The following PDCD2L variants were observed in gnomAD, a reference collection of about 807,000 sequenced individuals.
The protein encoded by PDCD2L is uS5 assembly chaperone PDCD2L.
PDCD2L carries 44 observed loss-of-function variants against 40.4 expected under a neutral mutation model. The observed-to-expected ratio is 1.09, with a 90% CI of 0.86 to 1.40. PDCD2L has a LOEUF of 1.40. Ranked by LOEUF, PDCD2L falls within the 40% of genes most tolerant of loss-of-function variation. The pLI is 0.00. For missense variants in PDCD2L, 470 were observed against 453.7 expected (o/e 1.04, Z -0.33); for synonymous variants, 194 against 174.6 (o/e 1.11, Z -0.88).
intron 4 of PDCD2L, among the ~76,000 whole-genome samples, chr19:34,410,157 T>A (rs1397478850): frequency 6.6e-6 from 1 of 152,170 alleles, no homozygotes; most frequent in Non-Finnish European, 1.5e-5. Flanking sequence ...CTGGAGTGAA[T>A]TGGTGTGATC....
intron 5 of PDCD2L, among the ~76,000 whole-genome samples, chr19:34,418,780 T>G (rs2075136438): frequency 6.6e-6 from 1 of 152,218 alleles, no homozygotes; most frequent in Admixed American, 6.5e-5. Context: ...TGCTAATGCT[T>G]GGGATGTTCA....
intron 6 of PDCD2L, among the ~76,000 whole-genome samples, chr19:34,425,755 A>AT (rs772543818): frequency 6.6e-6 from 1 of 152,076 alleles, no homozygotes; most frequent in African/African-American, 2.4e-5. Context: ...ACTTGCTGAA[A>AT]TTTTTGTTTA....
intron 5 of PDCD2L, among the ~76,000 whole-genome samples, chr19:34,419,365 G>T (rs2075138974): frequency 6.6e-6 from 1 of 152,060 alleles, no homozygotes; most frequent in South Asian, 2.1e-4. Flanking sequence ...ATGTTGGCCA[G>T]GCTGGTATCA....
In PDCD2L at chr19:34,409,444, C is replaced by T. The variant is rs766913014; in HGVS notation, c.620C>T (p.Ala207Val). The T allele has an allele frequency of 1.9e-5, 31 of 1,614,062 alleles. No homozygotes were observed. Among genetic ancestry groups the T allele is most frequent in the Admixed American group, 3.3e-5 (2 of 59,992 alleles). ...DYRDFVNLDH[A>V]HSLLRDYQQR... ...AGGGACTTTGTCAACCTGGATCATGCCCACAGCCTTCTGAGGGACTATCAG... is the reference window on the plus strand; with the variant it reads ...AGGGACTTTGTCAACCTGGATCATGTCCACAGCCTTCTGAGGGACTATCAG... The change falls in exon 4 of 7, where the codon GCC becomes GTC. Residue 207 changes from alanine to valine, a missense_variant. Transcript: ENST00000246535.
At chr19:34,406,743 A>C (rs1474770820) in intron 3 of PDCD2L, among the ~76,000 whole-genome samples, 2 of 150,432 alleles carry the variant, frequency 1.3e-5, no homozygotes, top group African/African-American at 2.4e-5. Context: ...CTTAAAAAAA[A>C]CCCACATTCC....
rs767892516 is a variant in PDCD2L, at chr19:34,404,789, C to G, written c.249C>G (p.Pro83=). The G allele has an allele frequency of 3.1e-6, 5 of 1,605,448 alleles. No homozygotes were observed. The highest frequency in any genetic ancestry group is 1.1e-5 in the South Asian group (1 of 90,284). ...RLLHVFACAC[P]GCSTGGARSW... ...TGCACGTGTTCGCGTGCGCCTGCCCCGGCTGTAGCACCGGCGGTGCGCGCA... is the reference window on the plus strand; with the variant it reads ...TGCACGTGTTCGCGTGCGCCTGCCCGGGCTGTAGCACCGGCGGTGCGCGCA... The change falls in exon 2 of 7, where the codon CCC becomes CCG. Residue 83 remains proline (P), a synonymous_variant. Transcript: ENST00000246535.
At chr19:34,409,757 C>G (rs139651105) in intron 4 of PDCD2L, among the ~76,000 whole-genome samples, 4 of 152,164 alleles carry the variant, frequency 2.6e-5, no homozygotes, top group East Asian at 1.9e-4. Context: ...ATAGAAGACG[C>G]GTTCACTGAC....
intron 3 of PDCD2L, among the ~76,000 whole-genome samples, chr19:34,408,099 G>C (rs2075085208): frequency 6.6e-6 from 1 of 151,838 alleles, no homozygotes; most frequent in South Asian, 2.1e-4. Context: ...GTATAGATGG[G>C]ATTTTGTCAT....
chr19:34,421,743 C>A, intron 6 of PDCD2L, 76 bp downstream of exon 6: 1 of 1,471,768 alleles, frequency 6.8e-7, no homozygotes, highest in South Asian at 1.3e-5. Context: ...CTTTTGTTTA[C>A]TTATAAAATA....
chr19:34,425,791 TTTAAA>T (rs1164607671), intron 6 of PDCD2L, among the ~76,000 whole-genome samples, 194 bp from the exon 7 acceptor site: 6 of 152,262 alleles, frequency 3.9e-5, no homozygotes, highest in South Asian at 4.1e-4. Context: ...TTCCTGCCAC[TTTAAA>T]TTAATTTTGC....
intron 3 of PDCD2L, among the ~76,000 whole-genome samples, chr19:34,405,917 CAAAA>C (rs1384383010): frequency 1.3e-5 from 2 of 149,900 alleles, no homozygotes; most frequent in Non-Finnish European, 1.5e-5. Context: ...CAAAACAAAA[CAAAA>C]GAAAAAAAAA....
intron 6 of PDCD2L, among the ~76,000 whole-genome samples, chr19:34,424,385 C>CA (rs2075166389): frequency 6.6e-6 from 1 of 152,108 alleles, no homozygotes; most frequent in African/African-American, 2.4e-5. Flanking sequence ...GCACATAAGA[C>CA]AGAGGAGAGA....
At position 34,404,948 on chromosome 19, in the gene PDCD2L, C is replaced by T; in HGVS notation, c.294C>T (p.Ser98=). The change falls in exon 3 of 7, where the codon TCC becomes TCT. Residue 98 remains serine, a synonymous_variant. Transcript: ENST00000246535. ...GGARSWKVFR[S]QCLQVPEREA... ...CCCGAAGCTGGAAGGTGTTCCGCTC[C>T]CAGTGCCTGCAGGTGCCAGAGAGAG... 2 of 1,614,136 alleles carry T rather than the reference C, an allele frequency of 1.2e-6. No individual in the cohort carries two copies. The highest frequency in any genetic ancestry group is 1.7e-5 in the Admixed American group (1 of 60,014).
Position 34,404,499 on chromosome 19 carries a change from G to T in PDCD2L, c.69G>T (p.Gly23=). 1 of 1,543,142 alleles carries T rather than the reference G, an allele frequency of 6.5e-7. No homozygotes were observed. Among genetic ancestry groups the T allele is most frequent in the East Asian group, 2.4e-5 (1 of 40,948 alleles). ...CGCCGGTGCACGGCAGCCCCACAGG[G>T]CCGGGTGCCTGGACTGCTAGCAAGC... ...RDAPVHGSPT[G]PGAWTASKLG... is the part of the protein sequence containing the mutation. Residue 23 remains glycine (G), a synonymous_variant, in exon 1 of 7, where the codon GGG becomes GGT. Transcript: ENST00000246535.
intron 5 of PDCD2L, among the ~76,000 whole-genome samples, chr19:34,414,502 T>TG (rs1568359779): frequency 2.3e-4 from 25 of 110,810 alleles, no homozygotes; most frequent in African/African-American, 3.7e-4. Context: ...TTTTTTTTTT[T>TG]GGGGGCAGGG....
At chr19:34,404,569 G>C in intron 1 of PDCD2L, 31 bp downstream of exon 1, 1 of 1,572,114 alleles carries the variant, frequency 6.4e-7, no homozygotes. Flanking sequence ...TGGGGTCGAT[G>C]GGTGCTGCTG....
chr19:34,416,992 T>C (rs143914884), intron 5 of PDCD2L, among the ~76,000 whole-genome samples: 1 of 152,146 alleles, frequency 6.6e-6, no homozygotes, highest in East Asian at 1.9e-4. Flanking sequence ...TGGGTGCCTA[T>C]AGTCCCAGCT....
In PDCD2L at chr19:34,404,431, ATGGCGGCCG is replaced by A. The variant is rs1050879859; in HGVS notation, c.3_11del (p.MetAlaAlaVal1_?4). 16 of 1,541,658 alleles carry A rather than the reference ATGGCGGCCG, an allele frequency of 1.0e-5. No individual in the cohort carries two copies. The highest frequency in any genetic ancestry group is 1.4e-5 in the African/African-American group (1 of 72,688). The stretch of plus-strand genomic sequence containing the variant: ...GTTTTCACCTGGTCGCCCGGCGGCC[ATGGCGGCCG>A]TTCTGAAGCCGGTGCTGCTGGGCCT... On this transcript the variant is annotated start_lost and inframe_deletion, in exon 1 of 7. Coordinates refer to ENST00000246535, the MANE Select transcript of PDCD2L (RefSeq NM_032346.2).
At chr19:34,420,235 C>T (rs2075144284) in intron 5 of PDCD2L, among the ~76,000 whole-genome samples, 1 of 151,946 alleles carries the variant, frequency 6.6e-6, no homozygotes, top group South Asian at 2.1e-4. Context: ...GAGTGATTCA[C>T]CCGCCTCAGC....
Sources: gnomAD v4.1 joint callset for allele counts (sites outside exome capture counted in the v4.1 genomes callset) on GRCh38, gnomAD v4.1.1 for gene constraint, MANE v1.5 for transcripts, NCBI Gene and HGNC (gene_info 2026-07-23, HGNC 2026-07-21) for gene names.